Variants in FOXP1 observed in about 807,000 individuals in gnomAD.
The protein encoded by FOXP1 is forkhead box P1.
In FOXP1, 15 loss-of-function variants were observed where a neutral mutation model predicts 98.2. That is an observed-to-expected ratio of 0.15 (90% confidence interval 0.10 to 0.24). The LOEUF (loss-of-function observed/expected upper bound fraction) is 0.24, where lower values mean the gene tolerates loss of function less well. Among genes scored for constraint, FOXP1 ranks in the 10% least tolerant of loss-of-function variants. The probability of loss-of-function intolerance (pLI) is 1.00; values close to 1 mark genes in which losing one functional copy is unlikely to be tolerated. For missense variants in FOXP1, 633 were observed against 848.5 expected (o/e 0.75, Z 3.15); for synonymous variants, 371 against 314.5 (o/e 1.18, Z -1.90).
intron 4 of FOXP1, among the ~76,000 whole-genome samples, chr3:71,321,121 CAA>C (rs11293559): frequency 2.2e-3 from 267 of 121,974 alleles, no homozygotes; most frequent in African/African-American, 4.6e-3. Flanking sequence ...TAGACTGTAC[CAA>C]AAAAAAAAAA....
In FOXP1 at chr3:71,365,965, C is replaced by G. The variant is rs1233121284; in HGVS notation, c.-167-6721G>C. Among the ~76,000 whole-genome samples the G allele has an allele frequency of 3.3e-5, 5 of 152,132 alleles. No individual in the cohort carries two copies. The East Asian group carries it at 5.8e-4, about 18-fold the overall frequency. On this transcript the variant is annotated intron_variant, in intron 3 of 20. Transcript: ENST00000649528. The stretch of plus-strand genomic sequence containing the variant: ...TCCAGCCTGGCGACAGGGCAAGACT[C>G]CATTTTAAAAACAAAACAAAACAAA...
chr3:71,495,615 A>G (rs1252248431), intron 2 of FOXP1, among the ~76,000 whole-genome samples: 1 of 152,172 alleles, frequency 6.6e-6, no homozygotes, highest in Non-Finnish European at 1.5e-5. Flanking sequence ...ATTTCATTCT[A>G]TTCTTACAAC....
At chr3:71,384,323 G>A (rs1273410561) in intron 3 of FOXP1, among the ~76,000 whole-genome samples, 1 of 152,118 alleles carries the variant, frequency 6.6e-6, no homozygotes, top group Non-Finnish European at 1.5e-5. Context: ...AACTTCCACG[G>A]TCTGTGTGAG....
intron 3 of FOXP1, among the ~76,000 whole-genome samples, chr3:71,465,324 A>AAAGAAGAAG (rs398052612): frequency 3.0e-5 from 2 of 67,658 alleles, no homozygotes; most frequent in African/African-American, 1.1e-4. Flanking sequence ...AAAAAAAAAA[A>AAAGAAGAAG]AAGAAGAAGA....
chr3:71,266,895 C>T (rs1355274957), intron 5 of FOXP1, among the ~76,000 whole-genome samples: 1 of 152,156 alleles, frequency 6.6e-6, no homozygotes, highest in East Asian at 1.9e-4. Context: ...CAGTAAGAAA[C>T]ATGATTTCAT....
chr3:71,380,698 AT>A (rs11395817), intron 3 of FOXP1, among the ~76,000 whole-genome samples: 1,761 of 100,274 alleles, frequency 0.018, 10 homozygotes, highest in African/African-American at 0.05. Context: ...CTTTTTAGAC[AT>A]TTTTTTTTTT....
chr3:70,959,482 C>T (rs2106861766), intron 20 of FOXP1, 91 bp from the exon 21 acceptor site: 2 of 1,373,430 alleles, frequency 1.5e-6, no homozygotes, highest in Non-Finnish European at 1.0e-6. Flanking sequence ...AGAAAAGCCG[C>T]ACTCTAGAAC....
chr3:71,474,175 G>C (rs893944723), intron 3 of FOXP1, among the ~76,000 whole-genome samples: 1 of 152,066 alleles, frequency 6.6e-6, no homozygotes, highest in African/African-American at 2.4e-5. Context: ...AATAGCACGA[G>C]AATTAGTGGC....
intron 4 of FOXP1, among the ~76,000 whole-genome samples, chr3:71,338,351 CG>C (rs1374495662): frequency 3.3e-5 from 5 of 152,160 alleles, no homozygotes; most frequent in Non-Finnish European, 5.9e-5. Flanking sequence ...TTATGAGGGA[CG>C]GATTTGAATA....
intron 2 of FOXP1, among the ~76,000 whole-genome samples, chr3:71,577,556 C>T (rs909856617): frequency 6.6e-6 from 1 of 152,088 alleles, no homozygotes; most frequent in African/African-American, 2.4e-5. Flanking sequence ...GCTTTTGGAG[C>T]CTTTATCCTT....
intron 2 of FOXP1, among the ~76,000 whole-genome samples, chr3:71,520,884 C>T (rs1256352950): frequency 6.6e-6 from 1 of 152,208 alleles, no homozygotes; most frequent in Non-Finnish European, 1.5e-5. Context: ...AACTCCCTGA[C>T]ACCCACGCTG....
chr3:71,488,362 T>C (rs1351093399), intron 3 of FOXP1, among the ~76,000 whole-genome samples: 2 of 152,182 alleles, frequency 1.3e-5, no homozygotes, highest in Non-Finnish European at 2.9e-5. Context: ...AACTTAAAAG[T>C]AAATTTGACA....
chr3:71,421,207 A>C (rs2083616114), intron 3 of FOXP1, among the ~76,000 whole-genome samples: 1 of 152,204 alleles, frequency 6.6e-6, no homozygotes, highest in African/African-American at 2.4e-5. Context: ...GGAAAAACCA[A>C]GTAAGAATGC....
chr3:71,450,541 C>T (rs1475322814), intron 3 of FOXP1, among the ~76,000 whole-genome samples: 1 of 152,198 alleles, frequency 6.6e-6, no homozygotes, highest in Admixed American at 6.5e-5. Context: ...GAACACATGG[C>T]TTGCTCTTGT....
At chr3:71,552,734 T>C (rs1578148118) in intron 2 of FOXP1, among the ~76,000 whole-genome samples, 1 of 152,086 alleles carries the variant, frequency 6.6e-6, no homozygotes, top group Non-Finnish European at 1.5e-5. Flanking sequence ...GGTATTATAA[T>C]GACAGCAAGT....
chr3:71,387,817 A>G (rs2080708592), intron 3 of FOXP1, among the ~76,000 whole-genome samples: 1 of 152,228 alleles, frequency 6.6e-6, no homozygotes, highest in Non-Finnish European at 1.5e-5. Flanking sequence ...TATTTATTTC[A>G]ACGTCTAATG....
chr3:71,250,248 C>G (rs566462307), intron 5 of FOXP1, among the ~76,000 whole-genome samples: 1 of 152,204 alleles, frequency 6.6e-6, no homozygotes, highest in Non-Finnish European at 1.5e-5. Flanking sequence ...ATGTCCCCTG[C>G]TGGGGAAAGT....
At chr3:71,102,173 T>C (rs1039672844) in intron 7 of FOXP1, among the ~76,000 whole-genome samples, 1 of 152,118 alleles carries the variant, frequency 6.6e-6, no homozygotes, top group Non-Finnish European at 1.5e-5. Context: ...AGCGACTAAA[T>C]ATGACAACCA....
chr3:71,277,975 C>T lies in FOXP1; in HGVS notation c.-12+21845G>A, dbSNP rs1247841903. On this transcript the variant is annotated intron_variant, in intron 5 of 20. Coordinates refer to ENST00000649528, the MANE Select transcript of FOXP1 (RefSeq NM_001349338.3). ...CTGTGGCTGGCACGCAGGAAAAGCC[C>T]AAATATGTGATCAAAGCATGAGAAA... Among the ~76,000 whole-genome samples the T allele has an allele frequency of 2.0e-5, 3 of 151,946 alleles. No individual in the cohort carries two copies. In the East Asian group the frequency reaches 5.8e-4, roughly 29 times the overall value.
Sources: allele counts gnomAD v4.1 joint callset (sites outside exome capture counted in the v4.1 genomes callset), GRCh38; gene constraint gnomAD v4.1.1; transcripts MANE v1.5; gene names NCBI Gene and HGNC (gene_info 2026-07-23, HGNC 2026-07-21).